Variants in CACNA1C observed in about 807,000 individuals in gnomAD.
The protein encoded by CACNA1C is voltage-dependent L-type calcium channel subunit alpha-1C.
CACNA1C carries 30 observed loss-of-function variants against 229.0 expected under a neutral mutation model. The observed-to-expected ratio is 0.13, with a 90% confidence interval of 0.10 to 0.18. CACNA1C has a LOEUF of 0.18. Among genes scored for constraint, CACNA1C ranks in the 10% least tolerant of loss-of-function variants. The probability of loss-of-function intolerance (pLI) is 1.00; values close to 1 mark genes in which losing one functional copy is unlikely to be tolerated. For missense variants in CACNA1C, 1,658 were observed against 2,845.0 expected (o/e 0.58, Z 9.49); for synonymous variants, 1,114 against 1,132.5 (o/e 0.98, Z 0.33).
Position 2,602,629 on chromosome 12 carries a change from CTT to C in CACNA1C, c.2960+670_2960+671del, listed in dbSNP as rs1491271889. Among the ~76,000 whole-genome samples the C allele has an allele frequency of 3.3e-3, 290 of 87,838 alleles. 3 individuals carry two copies. Among genetic ancestry groups the C allele is most frequent in the African/African-American group, 0.011 (259 of 24,438 alleles). The allele number at this position is 87,838 out of a possible 152,430, so 57.6% of individuals were successfully genotyped here. A position where few individuals can be genotyped will look rare whatever the true frequency, so the allele number is the denominator to read the frequency against. ...TGTGTGTGACTGTGTATATTTGTGT[CTT>C]GTGTGTGTGTGTGTGTGTGTGTGTG... On this transcript the variant is annotated intron_variant, in intron 22 of 46. Transcript: ENST00000399655. The surrounding 1 kb of genome is among the most constrained non-coding windows in gnomAD (Gnocchi z 4.4).
intron 3 of CACNA1C, among the ~76,000 whole-genome samples, chr12:2,197,690 G>T (rs2154310636): frequency 6.6e-6 from 1 of 152,292 alleles, no homozygotes; most frequent in African/African-American, 2.4e-5. Context: ...AACATCCAGA[G>T]AAGTGAGATT....
At chr12:2,451,676 C>G (rs531629908) in intron 4 of CACNA1C, among the ~76,000 whole-genome samples, 1 of 152,172 alleles carries the variant, frequency 6.6e-6, no homozygotes, top group Non-Finnish European at 1.5e-5. Context: ...TGTCTGGACC[C>G]GCTTCATCCC....
intron 3 of CACNA1C, among the ~76,000 whole-genome samples, chr12:2,446,931 G>T (rs1034956271): frequency 6.6e-6 from 1 of 152,114 alleles, no homozygotes; most frequent in African/African-American, 2.4e-5. Flanking sequence ...TAGCACATAT[G>T]AAAGCACCTG....
chr12:2,094,575 T>C (rs1595684485), intron 1 of CACNA1C, among the ~76,000 whole-genome samples: 2 of 152,140 alleles, frequency 1.3e-5, no homozygotes, highest in African/African-American at 2.4e-5. Flanking sequence ...CATAGGACCT[T>C]AGAGGTCATT....
chr12:2,290,027 T>C (rs1027986090), intron 3 of CACNA1C, among the ~76,000 whole-genome samples: 2 of 152,214 alleles, frequency 1.3e-5, no homozygotes, highest in Admixed American at 1.3e-4. Context: ...GGAATTCTGC[T>C]TTTCTGACTC....
intron 3 of CACNA1C, among the ~76,000 whole-genome samples, chr12:2,381,592 G>A (rs1022581358): frequency 1.3e-5 from 2 of 152,130 alleles, no homozygotes; most frequent in African/African-American, 2.4e-5. Context: ...GGTTTTCCTC[G>A]ATGTAAGGCC....
Position 2,653,831 on chromosome 12 carries a change from C to G in CACNA1C, c.4075-4C>G, listed in dbSNP as rs369044605. The G allele has an allele frequency of 6.2e-7, 1 of 1,613,730 alleles. No individual in the cohort carries two copies. The highest frequency in any genetic ancestry group is 8.5e-7 in the Non-Finnish European group (1 of 1,179,744). ...TCATGGGAGTCTCCTGCACTTCCTT[C>G]CAGGCCCTGCCCTATGTGGCCCTCC... is the stretch of plus-strand genomic sequence containing the variant. On this transcript the variant is annotated splice_polypyrimidine_tract_variant and splice_region_variant and intron_variant, in intron 32 of 46. Transcript: ENST00000399655. This position sits in a 1 kb window ranked among gnomAD's most constrained non-coding sequence, Gnocchi z 4.7.
chr12:2,521,532 G>A (rs1426686487), intron 9 of CACNA1C, among the ~76,000 whole-genome samples: 1 of 152,172 alleles, frequency 6.6e-6, no homozygotes, highest in Non-Finnish European at 1.5e-5. Flanking sequence ...TCCTCTGCCT[G>A]CCCGCCAGGG....
At chr12:2,421,517 C>G (rs1437235816) in intron 3 of CACNA1C, among the ~76,000 whole-genome samples, 1 of 152,320 alleles carries the variant, frequency 6.6e-6, no homozygotes, top group East Asian at 1.9e-4. Context: ...CTCAGCCCAA[C>G]TAGAGTAGTC....
intron 3 of CACNA1C, among the ~76,000 whole-genome samples, chr12:2,161,525 G>A (rs1233022486): frequency 6.6e-6 from 1 of 152,200 alleles, no homozygotes; most frequent in Non-Finnish European, 1.5e-5. Flanking sequence ...CCATCACAGA[G>A]CCCATGGCAG....
intron 3 of CACNA1C, among the ~76,000 whole-genome samples, chr12:2,226,157 A>C (rs1329947178): frequency 6.6e-6 from 1 of 151,468 alleles, no homozygotes; most frequent in African/African-American, 2.4e-5. Flanking sequence ...ACACACACAC[A>C]CACACACACA....
At chr12:2,342,144 C>CT (rs1312975290) in intron 3 of CACNA1C, among the ~76,000 whole-genome samples, 1 of 152,210 alleles carries the variant, frequency 6.6e-6, no homozygotes, top group Non-Finnish European at 1.5e-5. Flanking sequence ...CATGTCTTCC[C>CT]TTGGCTCCCT....
chr12:2,218,781 C>A (rs571816163), intron 3 of CACNA1C, among the ~76,000 whole-genome samples: 1 of 152,230 alleles, frequency 6.6e-6, no homozygotes, highest in South Asian at 2.1e-4. Context: ...GGGAGGTTCT[C>A]AGATCAGTTG....
chr12:2,112,173 A>G (rs1000925968), intron 1 of CACNA1C, among the ~76,000 whole-genome samples: 2 of 151,780 alleles, frequency 1.3e-5, no homozygotes, highest in Non-Finnish European at 2.9e-5. Flanking sequence ...TGAGTCAGAC[A>G]CTCCTTTGTC....
rs940505449 is a variant in CACNA1C at position 2,096,800 on chromosome 12, A to G, written c.50-18424A>G. Reference sequence around the variant, plus strand: ...TACTTTCTCTCTTTACAACTATTCTAGGTACCTCATATAAGTAGAATTATT... The same window carrying G: ...TACTTTCTCTCTTTACAACTATTCTGGGTACCTCATATAAGTAGAATTATT... On this transcript the variant is annotated intron_variant, in intron 1 of 46. Transcript: ENST00000399655. Among the ~76,000 whole-genome samples the G allele has an allele frequency of 2.0e-5, 3 of 152,246 alleles. No homozygotes were observed. The South Asian group carries it at 6.2e-4, about 32-fold the overall frequency.
intron 7 of CACNA1C, among the ~76,000 whole-genome samples, chr12:2,498,498 G>A (rs1023466229): frequency 5.3e-5 from 8 of 152,352 alleles, no homozygotes; most frequent in African/African-American, 1.7e-4. Flanking sequence ...TATTAGATGA[G>A]TCCTTATGAT....
intron 1 of CACNA1C, chr12:2,004,664 C>T: frequency 1.8e-6 from 1 of 564,572 alleles, no homozygotes; most frequent in Non-Finnish European, 3.1e-6. Flanking sequence ...AAGCCCAGGC[C>T]TGCCCTCTGC....
intron 3 of CACNA1C, among the ~76,000 whole-genome samples, chr12:2,312,462 C>T (rs372672166): frequency 2.0e-5 from 3 of 152,138 alleles, no homozygotes; most frequent in African/African-American, 7.2e-5. Context: ...CATCCTTCTG[C>T]CCTCAGATCA....
chr12:2,623,226 G>A (rs1189262029), intron 29 of CACNA1C, among the ~76,000 whole-genome samples: 4 of 152,072 alleles, frequency 2.6e-5, no homozygotes, highest in South Asian at 2.1e-4. Flanking sequence ...TTCAAACATC[G>A]AGACTGTTGG....
Sources: allele counts gnomAD v4.1 joint callset (sites outside exome capture counted in the v4.1 genomes callset), GRCh38; gene constraint gnomAD v4.1.1; non-coding constraint Gnocchi (gnomAD v3.1); transcripts MANE v1.5; gene names NCBI Gene and HGNC (gene_info 2026-07-23, HGNC 2026-07-21).